The following GPM6A variants were observed in gnomAD, a reference collection of about 807,000 sequenced individuals.
GPM6A encodes the protein neuronal membrane glycoprotein M6-a.
In GPM6A, 7 loss-of-function variants were observed where a neutral mutation model predicts 32.1. The observed-to-expected ratio is 0.22, with a 90% confidence interval of 0.12 to 0.41. The LOEUF (loss-of-function observed/expected upper bound fraction) is 0.41, where lower values mean the gene tolerates loss of function less well. GPM6A is among the 10% of genes least tolerant of loss of function. The probability of loss-of-function intolerance (pLI) is 1.00; values close to 1 mark genes in which losing one functional copy is unlikely to be tolerated. For missense variants in GPM6A, 235 were observed against 347.2 expected, an observed-to-expected ratio of 0.68 and a Z score of 2.57; for synonymous variants, 130 against 123.4, an observed-to-expected ratio of 1.05 and a Z score of -0.35.
chr4:175,829,442 T>C (rs1560954791), intron 1 of GPM6A, among the ~76,000 whole-genome samples: 1 of 144,780 alleles, frequency 6.9e-6, no homozygotes, highest in African/African-American at 2.5e-5. Context: ...GTTGGGGAAA[T>C]TGTAACCTAC....
intron 1 of GPM6A, among the ~76,000 whole-genome samples, chr4:175,954,553 T>C (rs1285651732): frequency 6.6e-6 from 1 of 152,176 alleles, no homozygotes; most frequent in Admixed American, 6.5e-5. Flanking sequence ...TGTCTATCAT[T>C]TTTCCACCCG....
chr4:175,900,240 T>C (rs1387829894), intron 1 of GPM6A, among the ~76,000 whole-genome samples: 1 of 140,614 alleles, frequency 7.1e-6, no homozygotes, highest in Non-Finnish European at 1.5e-5. Context: ...ACCACTGCAC[T>C]CCAGTCTGGG....
rs564163442 is a variant in GPM6A at position 175,712,235 on chromosome 4, T to C, written c.38-10468A>G. Reference sequence around the variant, plus strand: ...TCCTAGAGTTAAGGGCATGAGTCTGTAGATTGGTAGCACTCACTGAGTTTG... The same window carrying C: ...TCCTAGAGTTAAGGGCATGAGTCTGCAGATTGGTAGCACTCACTGAGTTTG... On this transcript the variant is annotated intron_variant, in intron 1 of 6. Transcript: ENST00000393658. Among the ~76,000 whole-genome samples, 4 of 152,322 alleles carry C rather than the reference T, an allele frequency of 2.6e-5. No homozygotes were observed. In the South Asian group the frequency reaches 8.3e-4, roughly 32 times the overall value.
chr4:175,976,601 T>C (rs1432581976), intron 1 of GPM6A, among the ~76,000 whole-genome samples: 1 of 152,168 alleles, frequency 6.6e-6, no homozygotes, highest in East Asian at 1.9e-4. Context: ...TGCATACTCA[T>C]TAAGTGAAGG....
intron 1 of GPM6A, among the ~76,000 whole-genome samples, chr4:175,899,973 G>C (rs1305902704): frequency 1.6e-4 from 24 of 152,024 alleles, no homozygotes; most frequent in Admixed American, 1.6e-3. Flanking sequence ...CTACCCATCT[G>C]ACACAGGATT....
intron 1 of GPM6A, among the ~76,000 whole-genome samples, chr4:175,860,984 C>CA (rs140602123): frequency 2.0e-3 from 297 of 150,110 alleles, no homozygotes; most frequent in East Asian, 0.012. Flanking sequence ...AGGCCTGTAA[C>CA]AAAAAAAAAC....
At chr4:175,945,518 A>G (rs769630490) in intron 1 of GPM6A, among the ~76,000 whole-genome samples, 6 of 151,548 alleles carry the variant, frequency 4.0e-5, no homozygotes, top group South Asian at 2.1e-4. Context: ...TAAGTAATAC[A>G]CACCCATATT....
chr4:175,800,727 T>C (rs537746555), intron 1 of GPM6A: 1 of 192,274 alleles, frequency 5.2e-6, no homozygotes, highest in Non-Finnish European at 1.2e-5. Flanking sequence ...ATGCCTGGGT[T>C]ACATTCAATA....
chr4:175,734,006 A>G (rs994937098), intron 1 of GPM6A, among the ~76,000 whole-genome samples: 1 of 152,100 alleles, frequency 6.6e-6, no homozygotes, highest in Admixed American at 6.6e-5. Context: ...GTTCTACTCA[A>G]AACTGAACTT....
rs1418419820 is a variant in GPM6A at position 175,909,046 on chromosome 4, G to C, written c.-23+93263C>G. On this transcript the variant is annotated intron_variant, in intron 1 of 7. Transcript: ENST00000280187. ...AGGCAGACAAAAAAAAAAGGGCGGGGGGGGGGCAACTAGCTCATAACCAAC... is the reference window on the plus strand; with the variant it reads ...AGGCAGACAAAAAAAAAAGGGCGGGCGGGGGGCAACTAGCTCATAACCAAC... Among the ~76,000 whole-genome samples the C allele has an allele frequency of 2.0e-5, 2 of 98,584 alleles. 1 individual carries two copies. The highest frequency in any genetic ancestry group is 7.4e-5 in the African/African-American group (2 of 27,030). 64.7% of individuals were successfully genotyped at this position (98,584 alleles called of 152,430 possible). A position where few individuals can be genotyped will look rare whatever the true frequency, so the allele number is the denominator to read the frequency against.
intron 2 of GPM6A, among the ~76,000 whole-genome samples, chr4:175,685,141 G>A (rs1252822281): frequency 2.6e-5 from 4 of 151,900 alleles, no homozygotes; most frequent in African/African-American, 9.7e-5. Context: ...CACCTGCCTC[G>A]GCCTCCCAAA....
intron 3 of GPM6A, 37 bp from the exon 4 acceptor site, chr4:175,652,024 T>C (rs751308429): frequency 6.5e-7 from 1 of 1,550,344 alleles, no homozygotes; most frequent in Admixed American, 1.9e-5. Flanking sequence ...GAAAATGTAA[T>C]CTACCAAAAA....
At chr4:175,843,698 C>G (rs910232673) in intron 1 of GPM6A, among the ~76,000 whole-genome samples, 1 of 152,158 alleles carries the variant, frequency 6.6e-6, no homozygotes, top group Non-Finnish European at 1.5e-5. Flanking sequence ...AATTTTTGTA[C>G]AAGGGTCCCA....
intron 1 of GPM6A, among the ~76,000 whole-genome samples, chr4:175,855,058 C>A (rs1218689498): frequency 6.6e-6 from 1 of 152,068 alleles, no homozygotes; most frequent in Middle Eastern, 3.2e-3. Context: ...TAAAAGGAAT[C>A]TTTGAAAAGA....
chr4:175,708,391 A>ATTTG (rs1386797940), intron 1 of GPM6A, among the ~76,000 whole-genome samples: 2 of 150,676 alleles, frequency 1.3e-5, no homozygotes, highest in Non-Finnish European at 3.0e-5. Flanking sequence ...TTATTTATTT[A>ATTTG]TTTATTTATT....
At chr4:175,800,413 C>T (rs1382512485) in intron 1 of GPM6A, among the ~76,000 whole-genome samples, 1 of 152,118 alleles carries the variant, frequency 6.6e-6, no homozygotes, top group Non-Finnish European at 1.5e-5. Flanking sequence ...TTATCCAAGC[C>T]AAAGAAAAGA....
At chr4:175,746,241 CATT>C (rs1333242928) in intron 1 of GPM6A, among the ~76,000 whole-genome samples, 1 of 151,818 alleles carries the variant, frequency 6.6e-6, no homozygotes, top group Non-Finnish European at 1.5e-5. Flanking sequence ...ATGGGGGAAA[CATT>C]ATGAAAAACA....
At chr4:175,960,414 T>C (rs2126400207) in intron 1 of GPM6A, among the ~76,000 whole-genome samples, 1 of 152,246 alleles carries the variant, frequency 6.6e-6, no homozygotes, top group East Asian at 1.9e-4. Flanking sequence ...GGGCTAAATC[T>C]GTCCCATTTT....
At chr4:175,680,862 T>C (rs542836997) in intron 2 of GPM6A, among the ~76,000 whole-genome samples, 2 of 152,336 alleles carry the variant, frequency 1.3e-5, no homozygotes, top group South Asian at 4.1e-4. Context: ...ATATACTCCA[T>C]ATATTCATAC....
Sources: gnomAD v4.1 joint callset for allele counts (sites outside exome capture counted in the v4.1 genomes callset) on GRCh38, gnomAD v4.1.1 for gene constraint, MANE v1.5 for transcripts, NCBI Gene and HGNC (gene_info 2026-07-23, HGNC 2026-07-21) for gene names.